The following PUM3 variants were observed in gnomAD, a reference collection of about 807,000 sequenced individuals.
PUM3 encodes pumilio homolog 3.
A neutral mutation model predicts 84.0 loss-of-function variants in PUM3; 91 were observed. That is an observed-to-expected ratio of 1.08 (90% CI 0.91 to 1.29). The LOEUF (loss-of-function observed/expected upper bound fraction) is 1.29, where lower values mean the gene tolerates loss of function less well. Ranked by LOEUF, PUM3 falls within the 50% of genes most tolerant of loss-of-function variation. PUM3 has a pLI of 0.00. For synonymous variants in PUM3, 321 were observed against 266.7 expected (o/e 1.20, Z -1.98); for missense variants, 1,067 against 767.5 (o/e 1.39, Z -4.61).
At chr9:2,843,655 T>C (rs1816327692) in intron 1 of PUM3, among the ~76,000 whole-genome samples, 1 of 144,510 alleles carries the variant, frequency 6.9e-6, no homozygotes, top group African/African-American at 2.6e-5. Flanking sequence ...CTTGGCTCAC[T>C]GCAAGCTCCG....
At chr9:2,831,731 T>C (rs1447489566) in intron 5 of PUM3, among the ~76,000 whole-genome samples, 1 of 152,208 alleles carries the variant, frequency 6.6e-6, no homozygotes, top group African/African-American at 2.4e-5. Flanking sequence ...GTATGATTTT[T>C]ATATAAGTGA....
chr9:2,840,182 T>C (rs1489429571), intron 1 of PUM3, among the ~76,000 whole-genome samples: 1 of 152,234 alleles, frequency 6.6e-6, no homozygotes, highest in Non-Finnish European at 1.5e-5. Flanking sequence ...CATGACTTAT[T>C]ACTGTTTATG....
At chr9:2,811,651 C>A in intron 14 of PUM3, 68 bp from the exon 15 acceptor site, 1 of 1,148,902 alleles carries the variant, frequency 8.7e-7, no homozygotes, top group Non-Finnish European at 1.3e-6. Context: ...GATATTATCA[C>A]AAAAACCTCT....
chr9:2,829,930 T>G lies in PUM3; in HGVS notation c.696A>C (p.Ala232=), dbSNP rs768265215. 5 of 1,612,692 alleles carry G rather than the reference T, an allele frequency of 3.1e-6. No homozygotes were observed. The African/African-American group carries it at 6.7e-5, about 22-fold the overall frequency. Residue 232 remains alanine (A), a synonymous_variant, in exon 8 of 18, where the codon GCA becomes GCC. Coordinates refer to ENST00000397885, the MANE Select transcript of PUM3 (RefSeq NM_014878.5). ...FLMYGSKPQI[A]EIIRSFKGHV... The stretch of plus-strand genomic sequence containing the variant: ...GGCCTTTAAAACTTCTGATTATCTC[T>G]GCAATCTGTGGTTTACTTCTAAACG...
intron 16 of PUM3, chr9:2,808,118 C>CT: frequency 2.0e-6 from 1 of 511,908 alleles, no homozygotes; most frequent in Non-Finnish European, 3.5e-6. Context: ...GATCCAAAAC[C>CT]TAAGCTATGT....
chr9:2,823,605 A>G (rs1256634785), intron 12 of PUM3, among the ~76,000 whole-genome samples, 176 bp downstream of exon 12: 1 of 152,200 alleles, frequency 6.6e-6, no homozygotes, highest in East Asian at 1.9e-4. Flanking sequence ...TGCATGTGAC[A>G]TGATTTCCAT....
Position 2,810,351 on chromosome 9 carries a change from C to T in PUM3, c.1716G>A (p.Gly572=), listed in dbSNP as rs758178640. The change falls in exon 16 of 18, where the codon GGG becomes GGA. Residue 572 remains glycine (G), a synonymous_variant. Transcript: ENST00000397885. ...TCAAATTTCATAGCCTACCTTCTCT[C>T]CCATTTTCTTTCATCTTTTTATCTT... The part of the protein sequence containing the change: ...IEQDKKMKEN[G]REGCFAKTLV... 15 of 1,597,458 alleles carry T rather than the reference C, an allele frequency of 9.4e-6. No individual in the cohort carries two copies. The East Asian group carries it at 1.3e-4, about 14-fold the overall frequency.
intron 10 of PUM3, among the ~76,000 whole-genome samples, chr9:2,825,277 A>G (rs1815781285): frequency 6.6e-6 from 1 of 152,196 alleles, no homozygotes; most frequent in African/African-American, 2.4e-5. Context: ...TTTTCAGTTC[A>G]TAACTGGATT....
chr9:2,832,974 G>C (rs921113562), intron 5 of PUM3, among the ~76,000 whole-genome samples: 1 of 152,182 alleles, frequency 6.6e-6, no homozygotes, highest in African/African-American at 2.4e-5. Context: ...TGGAGGAAAA[G>C]AATGAAGTAA....
At chr9:2,809,710 A>G (rs1014367184) in intron 16 of PUM3, among the ~76,000 whole-genome samples, 2 of 152,292 alleles carry the variant, frequency 1.3e-5, no homozygotes, top group Middle Eastern at 3.4e-3. Flanking sequence ...TTGTAAGTGA[A>G]GGTCTGGTTG....
chr9:2,839,702 G>C (rs963647710), intron 1 of PUM3, among the ~76,000 whole-genome samples: 1 of 152,050 alleles, frequency 6.6e-6, no homozygotes, highest in African/African-American at 2.4e-5. Flanking sequence ...GCTTCCTCAG[G>C]GCATTTAGAA....
In PUM3 at chr9:2,828,358, A is replaced by G. The variant is rs77615932; in HGVS notation, c.956+317T>C. 8.0e-3 allele frequency: 1,762 copies of G among 219,970 alleles called. 34 individuals are homozygous for G. Among genetic ancestry groups the G allele is most frequent in the African/African-American group, 0.04 (1,700 of 42,682 alleles). 13.6% of individuals were successfully genotyped at this position (219,970 alleles called of 1,614,324 possible). ...ACCTTGCCTACAACCAAATTTGAGT[A>G]ACAGATTATATTTGTGAAACTGTTT... On this transcript the variant is annotated intron_variant, in intron 9 of 17. Transcript: ENST00000397885.
intron 11 of PUM3, among the ~76,000 whole-genome samples, chr9:2,824,096 C>T (rs1815742319): frequency 6.6e-6 from 1 of 152,126 alleles, no homozygotes; most frequent in Non-Finnish European, 1.5e-5. Context: ...AGCCACCTTT[C>T]ACAGTGAGAC....
chr9:2,808,461 G>C (rs550099834), intron 16 of PUM3, among the ~76,000 whole-genome samples: 65 of 152,290 alleles, frequency 4.3e-4, no homozygotes, highest in African/African-American at 1.5e-3. Flanking sequence ...TCTAGTATTT[G>C]ATTCCCAAGG....
intron 17 of PUM3, among the ~76,000 whole-genome samples, chr9:2,807,066 G>A (rs1333295977): frequency 6.6e-6 from 1 of 152,044 alleles, no homozygotes; most frequent in Non-Finnish European, 1.5e-5. Flanking sequence ...AAATTAGCTG[G>A]GCGTGGTGGC....
chr9:2,842,133 C>T (rs1195511097), intron 1 of PUM3, among the ~76,000 whole-genome samples: 2 of 152,242 alleles, frequency 1.3e-5, no homozygotes, highest in East Asian at 3.9e-4. Flanking sequence ...GGGCAAAATG[C>T]AATTTGCTTT....
chr9:2,805,189 C>G (rs1563823402), intron 17 of PUM3, among the ~76,000 whole-genome samples: 1 of 152,172 alleles, frequency 6.6e-6, no homozygotes, highest in Non-Finnish European at 1.5e-5. Context: ...ATCTAAAGCA[C>G]CCAGCCAGAG....
intron 3 of PUM3, among the ~76,000 whole-genome samples, chr9:2,835,496 A>G (rs1816099309): frequency 6.6e-6 from 1 of 152,206 alleles, no homozygotes; most frequent in Admixed American, 6.5e-5. Context: ...TTCCTCAAGA[A>G]CATAATTTTT....
At chr9:2,826,659 G>C (rs1815827813) in intron 10 of PUM3, among the ~76,000 whole-genome samples, 1 of 152,040 alleles carries the variant, frequency 6.6e-6, no homozygotes, top group Non-Finnish European at 1.5e-5. Flanking sequence ...ATAAAGTCCA[G>C]GTTTTCATCG....
Sources: gnomAD v4.1 joint callset for allele counts (sites outside exome capture counted in the v4.1 genomes callset) on GRCh38, gnomAD v4.1.1 for gene constraint, MANE v1.5 for transcripts, NCBI Gene and HGNC (gene_info 2026-07-23, HGNC 2026-07-21) for gene names.